Variants in PCDHGA1 observed in about 807,000 individuals in gnomAD.
PCDHGA1 encodes the protein protocadherin gamma subfamily A, 1, also known as protocadherin gamma-A1.
In PCDHGA1, 32 loss-of-function variants were observed where a neutral mutation model predicts 58.0. The observed-to-expected ratio is 0.55, with a 90% CI of 0.42 to 0.74. The LOEUF is 0.74. Among genes scored for constraint, PCDHGA1 ranks in the 30% least tolerant of loss-of-function variants. The pLI is 0.00. For synonymous variants in PCDHGA1, 498 were observed against 501.1 expected (o/e 0.99, Z 0.08); for missense variants, 1,205 against 1,182.3 (o/e 1.02, Z -0.28).
At chr5:141,383,575 G>T in intron 1 of PCDHGA1, 1 of 1,613,234 alleles carries the variant, frequency 6.2e-7, no homozygotes, top group African/African-American at 1.3e-5. Flanking sequence ...ATCCAGCACC[G>T]CCCACATCCA....
chr5:141,362,401 G>A, intron 1 of PCDHGA1: 2 of 1,614,028 alleles, frequency 1.2e-6, no homozygotes, highest in Middle Eastern at 1.6e-4. Flanking sequence ...CAACCTGTGT[G>A]TTGCCTCACA....
At chr5:141,406,702 A>G (rs1430662433) in intron 1 of PCDHGA1, among the ~76,000 whole-genome samples, 1 of 152,242 alleles carries the variant, frequency 6.6e-6, no homozygotes. Context: ...TCTATAGTAT[A>G]TGCTTGCTCA....
At chr5:141,389,036 G>A in intron 1 of PCDHGA1, 1 of 1,613,928 alleles carries the variant, frequency 6.2e-7, no homozygotes, top group Non-Finnish European at 8.5e-7. Flanking sequence ...CTTGTAAATT[G>A]GAAGGTGATG....
rs375834520 is a variant in PCDHGA1, at chr5:141,389,526, G to A, written c.2421+56421G>A. 145 of 1,613,070 alleles carry A rather than the reference G, an allele frequency of 9.0e-5. No homozygotes were observed. Among genetic ancestry groups the A allele is most frequent in the Non-Finnish European group, 1.2e-4 (141 of 1,179,758 alleles). ...GCTCAGCGCGAACGTGAGCCTGCGC[G>A]TGTTAGTGGACGACCGCAACGACAA... On this transcript the variant is annotated intron_variant, in intron 1 of 3. Coordinates refer to ENST00000517417, the MANE Select transcript of PCDHGA1 (RefSeq NM_018912.3).
chr5:141,498,807 C>T (rs113587634), intron 2 of PCDHGA1, among the ~76,000 whole-genome samples: 5,552 of 152,138 alleles, frequency 0.036, 136 homozygotes, highest in South Asian at 0.073. Context: ...GTGGTGCACA[C>T]CTGTAGTCCC....
rs776348214 is a variant in PCDHGA1 at position 141,487,781 on chromosome 5, G to A, written c.2422-7026G>A. 108 of 1,526,850 alleles carry A rather than the reference G, an allele frequency of 7.1e-5. No individual in the cohort carries two copies. Among genetic ancestry groups the A allele is most frequent in the East Asian group, 3.7e-4 (15 of 40,622 alleles). 94.6% of individuals were successfully genotyped at this position (1,526,850 alleles called of 1,614,324 possible). On this transcript the variant is annotated intron_variant, in intron 1 of 3. Coordinates refer to ENST00000517417, the MANE Select transcript of PCDHGA1 (RefSeq NM_018912.3). This position sits in a 1 kb window ranked among gnomAD's most constrained non-coding sequence, Gnocchi z 5.0. ...AGACGCTGTGCTTTGTAACTGTTTC[G>A]TGAATTAACCAGAGTTGTCACAGTT... is the stretch of plus-strand genomic sequence containing the variant.
At chr5:141,361,178 T>C (rs1395643318) in intron 1 of PCDHGA1, 3 of 1,613,812 alleles carry the variant, frequency 1.9e-6, no homozygotes, top group Non-Finnish European at 1.7e-6. Flanking sequence ...CCTGAAGTTA[T>C]TGTGACTTCA....
chr5:141,371,824 C>G, intron 1 of PCDHGA1: 1 of 1,613,844 alleles, frequency 6.2e-7, no homozygotes, highest in Non-Finnish European at 8.5e-7. Flanking sequence ...GTCAGAGCCT[C>G]GGATCCCGAC....
At chr5:141,456,217 A>G (rs1328039447) in intron 1 of PCDHGA1, among the ~76,000 whole-genome samples, 1 of 152,064 alleles carries the variant, frequency 6.6e-6, no homozygotes, top group East Asian at 1.9e-4. Context: ...CCCTGTGGCG[A>G]TATCAAACTA....
At chr5:141,420,061 G>A (rs376044810) in intron 1 of PCDHGA1, 3 of 1,613,958 alleles carry the variant, frequency 1.9e-6, no homozygotes, top group Non-Finnish European at 2.5e-6. Flanking sequence ...TCTGCTCCAA[G>A]TCCGGACCTG....
At position 141,490,176 on chromosome 5, in the gene PCDHGA1, G is replaced by T. The variant is rs758876319; in HGVS notation, c.2422-4631G>T. On this transcript the variant is annotated intron_variant, in intron 1 of 3. Transcript: ENST00000517417. This position sits in a 1 kb window ranked among gnomAD's most constrained non-coding sequence, Gnocchi z 5.4. ...TGTTGGGTCCCATAGACTTTGAGGAGTCACGTTTCTATGAAATTCATGCAA... is the reference window on the plus strand; with the variant it reads ...TGTTGGGTCCCATAGACTTTGAGGATTCACGTTTCTATGAAATTCATGCAA... 12 of 1,614,100 alleles carry T rather than the reference G, an allele frequency of 7.4e-6. No homozygotes were observed. Among genetic ancestry groups the T allele is most frequent in the Non-Finnish European group, 1.0e-5 (12 of 1,180,046 alleles).
At chr5:141,504,429 G>T (rs947508365) in intron 2 of PCDHGA1, among the ~76,000 whole-genome samples, 1 of 152,124 alleles carries the variant, frequency 6.6e-6, no homozygotes, top group Non-Finnish European at 1.5e-5. Context: ...CACTACAACA[G>T]CTGCAGTGTG....
chr5:141,350,483 A>C, intron 1 of PCDHGA1: 1 of 1,613,982 alleles, frequency 6.2e-7, no homozygotes. Flanking sequence ...TTTCAACGTT[A>C]GTTTGGAGAG....
intron 1 of PCDHGA1, chr5:141,379,313 A>C (rs1053297201): frequency 4.6e-5 from 7 of 152,264 alleles, no homozygotes; most frequent in African/African-American, 1.7e-4. Flanking sequence ...CCTAAACAAG[A>C]GATCTAATCA....
intron 1 of PCDHGA1, among the ~76,000 whole-genome samples, chr5:141,462,363 G>C (rs1425898350): frequency 6.6e-6 from 1 of 152,132 alleles, no homozygotes; most frequent in Non-Finnish European, 1.5e-5. Context: ...ACATTGTATA[G>C]TTTCTATTCT....
At chr5:141,423,090 G>A in intron 1 of PCDHGA1, 2 of 1,614,022 alleles carry the variant, frequency 1.2e-6, no homozygotes, top group Non-Finnish European at 1.7e-6. Flanking sequence ...TCGCGGTGGG[G>A]GAGCACACGG....
At chr5:141,356,162 C>G in intron 1 of PCDHGA1, 1 of 1,613,176 alleles carries the variant, frequency 6.2e-7, no homozygotes, top group Non-Finnish European at 8.5e-7. Flanking sequence ...GATGTAGAAG[C>G]CCATGATGGG....
intron 1 of PCDHGA1, chr5:141,427,536 G>A (rs758610182): frequency 4.8e-6 from 3 of 626,396 alleles, no homozygotes; most frequent in Middle Eastern, 2.5e-4. Flanking sequence ...GGAGTACAAC[G>A]TCACCATCAC....
chr5:141,395,558 G>A (rs60237573), intron 1 of PCDHGA1: 1 of 127,936 alleles, frequency 7.8e-6, no homozygotes, highest in South Asian at 2.0e-4. Flanking sequence ...GTGTGTGTGT[G>A]TGTGTGTGTG....
Sources: gnomAD v4.1 joint callset for allele counts (sites outside exome capture counted in the v4.1 genomes callset) on GRCh38, gnomAD v4.1.1 for gene constraint, Gnocchi (gnomAD v3.1) non-coding constraint, MANE v1.5 for transcripts, NCBI Gene and HGNC (gene_info 2026-07-23, HGNC 2026-07-21) for gene names.